The following DENND6B variants were observed in gnomAD, a reference collection of about 807,000 sequenced individuals.
DENND6B encodes DENN domain containing 6B, also known as protein DENND6B.
DENND6B carries 73 observed loss-of-function variants against 85.1 expected under a neutral mutation model. The ratio of observed to expected loss-of-function variants is 0.86; its 90% CI spans 0.71 to 1.04. DENND6B has a LOEUF of 1.04. Ranked by LOEUF, DENND6B falls within the 50% of genes least tolerant of loss-of-function variation. The probability of loss-of-function intolerance (pLI) is 0.00; values close to 1 mark genes in which losing one functional copy is unlikely to be tolerated. For synonymous variants in DENND6B, 357 were observed against 329.3 expected, an observed-to-expected ratio of 1.08 and a Z score of -0.91; for missense variants, 715 against 785.8, an observed-to-expected ratio of 0.91 and a Z score of 1.08.
At chr22:50,313,791 C>G in intron 14 of DENND6B, 23 bp downstream of exon 14, 2 of 1,611,378 alleles carry the variant, frequency 1.2e-6, no homozygotes, top group South Asian at 1.1e-5. Flanking sequence ...GCGTCCCCAG[C>G]CCCTGCCCCA....
At chr22:50,317,171 G>A (rs1277392695) in intron 5 of DENND6B, 122 bp downstream of exon 5, 1 of 1,023,276 alleles carries the variant, frequency 9.8e-7, no homozygotes, top group African/African-American at 1.7e-5. Context: ...AGCCCAGGTG[G>A]GGCTGCAGGA....
intron 1 of DENND6B, among the ~76,000 whole-genome samples, chr22:50,319,911 T>C (rs2041990836): frequency 6.6e-6 from 1 of 152,222 alleles, no homozygotes; most frequent in African/African-American, 2.4e-5. Context: ...GCTGAATGAC[T>C]TGGAAGACAG....
rs1052456376 is a variant in DENND6B at position 50,309,943 on chromosome 22, G to A, written c.*2196C>T. 5 of 152,328 alleles carry A rather than the reference G, an allele frequency of 3.3e-5. No homozygotes were observed. The highest frequency in any genetic ancestry group is 1.2e-4 in the African/African-American group (5 of 41,472). The allele number at this position is 152,328 out of a possible 1,614,324, so 9.4% of individuals were successfully genotyped here. ...AAAGTGGGGTCACAGTTGTGAGAGA[G>A]GTGGGTTGTCTTCCCAAGCTGCCCC... On this transcript the variant is annotated 3_prime_UTR_variant, in exon 20 of 20. Coordinates refer to ENST00000413817, the MANE Select transcript of DENND6B (RefSeq NM_001001794.4).
intron 1 of DENND6B, among the ~76,000 whole-genome samples, chr22:50,326,541 G>T (rs1484994353): frequency 6.6e-6 from 1 of 152,234 alleles, no homozygotes; most frequent in African/African-American, 2.4e-5. Context: ...GGGGAGATGT[G>T]AGACATTTAC....
chr22:50,322,814 A>T (rs538806587), intron 1 of DENND6B, among the ~76,000 whole-genome samples: 2 of 147,840 alleles, frequency 1.4e-5, no homozygotes, highest in African/African-American at 5.0e-5. Context: ...GCTTCCCAAA[A>T]TGTTGGGATA....
chr22:50,317,109 G>A (rs2041873806), intron 5 of DENND6B, 184 bp downstream of exon 5: 1 of 489,098 alleles, frequency 2.0e-6, no homozygotes, highest in Admixed American at 2.8e-5. Context: ...GGCGAGGACA[G>A]GGTGGGGGGC....
At chr22:50,319,229 A>C in intron 1 of DENND6B, 1 of 1,460,380 alleles carries the variant, frequency 6.8e-7, no homozygotes, top group Non-Finnish European at 9.1e-7. Flanking sequence ...CATCCTCCCC[A>C]CACCACCTTC....
At chr22:50,312,662 C>A in intron 17 of DENND6B, 37 bp from the exon 18 acceptor site, 1 of 1,512,066 alleles carries the variant, frequency 6.6e-7, no homozygotes, top group Non-Finnish European at 9.0e-7. Flanking sequence ...ATGGGGCTGA[C>A]CCTGGGGATT....
At chr22:50,321,519 C>G (rs571901453) in intron 1 of DENND6B, among the ~76,000 whole-genome samples, 317 of 152,036 alleles carry the variant, frequency 2.1e-3, no homozygotes, top group Non-Finnish European at 2.8e-3. Context: ...CGCCACCACG[C>G]CCGGCTAACA....
chr22:50,326,178 C>T (rs901019680), intron 1 of DENND6B, among the ~76,000 whole-genome samples: 13 of 152,250 alleles, frequency 8.5e-5, no homozygotes, highest in African/African-American at 3.1e-4. Context: ...AGCAGAAAGA[C>T]CACATCGAAA....
intron 8 of DENND6B, 45 bp downstream of exon 8, chr22:50,315,980 G>A (rs1180347992): frequency 6.2e-7 from 1 of 1,612,070 alleles, no homozygotes; most frequent in Admixed American, 1.7e-5. Context: ...GACTCAATCG[G>A]GTGAAGCCCA....
At chr22:50,314,054 G>A in intron 13 of DENND6B, 153 bp downstream of exon 13, 1 of 1,267,434 alleles carries the variant, frequency 7.9e-7, no homozygotes, top group Non-Finnish European at 1.1e-6. Flanking sequence ...GAAGAGAAGA[G>A]AGCGACCCCT....
rs1323735463 is a variant in DENND6B, at chr22:50,313,449, C to G, written c.1344G>C (p.Trp448Cys). 1.9e-6 allele frequency: 3 copies of G among 1,538,910 alleles called. No individual in the cohort carries two copies. The African/African-American group carries it at 4.1e-5, about 21-fold the overall frequency. The change falls in exon 16 of 20, where the codon TGG (tryptophan) becomes TGC (cysteine). Residue 448 changes from tryptophan (W) to cysteine (C), a missense_variant. Physicochemically the swap from Trp to Cys is radical, Grantham distance 215. Coordinates refer to ENST00000413817, the MANE Select transcript of DENND6B (RefSeq NM_001001794.4). ...AAAACCCCCACAGGACCCCCACCTT[C>G]CAGGGCGTGATGCTCTTCTGCAGGG... ...LMPLQKSITPWKTPPQIQPFS... is the reference protein window; with the variant it reads ...LMPLQKSITPCKTPPQIQPFS...
chr22:50,312,059 T>C lies in DENND6B; in HGVS notation c.*80A>G. The C allele has an allele frequency of 6.4e-7, 1 of 1,554,332 alleles. No homozygotes were observed. Among genetic ancestry groups the C allele is most frequent in the South Asian group, 1.2e-5 (1 of 82,434 alleles). ...GGGGCCAAGGAAGGGGAGCGTGTGC[T>C]TGGCCCAGTGCCGCCACCACTGGGG... On this transcript the variant is annotated 3_prime_UTR_variant, in exon 20 of 20. Coordinates refer to ENST00000413817, the MANE Select transcript of DENND6B (RefSeq NM_001001794.4).
Position 50,309,666 on chromosome 22 carries a change from C to G in DENND6B, c.*2473G>C, listed in dbSNP as rs2068036230. ...ATGCTGGCCACCCAGCCCGGTTCCC[C>G]CCTCAAGTTCCCCCTTCACACGCCA... On this transcript the variant is annotated 3_prime_UTR_variant, in exon 20 of 20. Transcript: ENST00000413817. The G allele has an allele frequency of 6.6e-6, 1 of 152,414 alleles. No individual in the cohort carries two copies. The highest frequency in any genetic ancestry group is 2.1e-4 in the South Asian group (1 of 4,838). The allele number at this position is 152,414 out of a possible 1,614,324, so 9.4% of individuals were successfully genotyped here.
In DENND6B at chr22:50,316,679, C is replaced by T. The variant is rs779941751; in HGVS notation, c.454-204G>A. 5 of 1,495,906 alleles carry T rather than the reference C, an allele frequency of 3.3e-6. No individual in the cohort carries two copies. The South Asian group carries it at 6.0e-5, about 18-fold the overall frequency. The allele number at this position is 1,495,906 out of a possible 1,614,324, so 92.7% of individuals were successfully genotyped here. A position where few individuals can be genotyped will look rare whatever the true frequency, so the allele number is the denominator to read the frequency against. On this transcript the variant is annotated intron_variant, in intron 5 of 19. Transcript: ENST00000413817. ...AGGAGAAAACCCAACACTGAACTCC[C>T]TGGGTGGCGGCCGGTGGGGCTGGAC...
At chr22:50,325,076 A>C (rs1022405323) in intron 1 of DENND6B, among the ~76,000 whole-genome samples, 1 of 152,182 alleles carries the variant, frequency 6.6e-6, no homozygotes, top group Non-Finnish European at 1.5e-5. Flanking sequence ...TCATGTGCTC[A>C]GGCCCCGGTG....
intron 1 of DENND6B, 82 bp downstream of exon 1, chr22:50,326,730 C>A: frequency 1.1e-5 from 13 of 1,215,400 alleles, no homozygotes; most frequent in Non-Finnish European, 1.0e-5. Context: ...GCGGGGCGGC[C>A]GAGGGCCCCA....
intron 4 of DENND6B, 127 bp from the exon 5 acceptor site, chr22:50,317,500 G>T: frequency 9.2e-7 from 1 of 1,091,280 alleles, no homozygotes. Context: ...GGAGGCTCCT[G>T]GAGCTGCTGT....
Sources: allele counts gnomAD v4.1 joint callset (sites outside exome capture counted in the v4.1 genomes callset), GRCh38; gene constraint gnomAD v4.1.1; transcripts MANE v1.5; gene names NCBI Gene and HGNC (gene_info 2026-07-23, HGNC 2026-07-21).